Variants in LIN54 observed in about 807,000 individuals in gnomAD.
LIN54 encodes protein lin-54 homolog.
A neutral mutation model predicts 78.7 loss-of-function variants in LIN54; 9 were observed. That is an observed-to-expected ratio of 0.11 (90% CI 0.07 to 0.20). The LOEUF is 0.20. LIN54 is among the 10% of genes least tolerant of loss of function. LIN54 has a pLI of 1.00. For synonymous variants in LIN54, 269 were observed against 318.4 expected (o/e 0.84, Z 1.65); for missense variants, 573 against 889.9 (o/e 0.64, Z 4.53).
At position 82,930,936 on chromosome 4, in the gene LIN54, G is replaced by A; in HGVS notation, c.2048+7C>T. The stretch of plus-strand genomic sequence containing the variant: ...AGTACTATAAAAAGATTAAAATACT[G>A]ACTTACTTTCCGCCTCCACTATTTA... On this transcript the variant is annotated splice_region_variant and intron_variant, in intron 12 of 12. Coordinates refer to ENST00000340417, the MANE Select transcript of LIN54 (RefSeq NM_194282.4). 6.2e-7 allele frequency: 1 copy of A among 1,611,500 alleles called. No homozygotes were observed. Among genetic ancestry groups the A allele is most frequent in the Non-Finnish European group, 8.5e-7 (1 of 1,177,644 alleles).
In LIN54 at chr4:83,002,575, ACCTCCTCCACCTCTTCTG is replaced by A. The variant is rs959445933; in HGVS notation, c.-33+7891_-33+7908del. On this transcript the variant is annotated intron_variant, in intron 1 of 12. Transcript: ENST00000340417. ...GCCCACCTCTCCTGTCTCCTCATCT[ACCTCCTCCACCTCTTCTG>A]CCTCTGCCACTCCAGACAGCAAGAC... Among the ~76,000 whole-genome samples, 94 of 151,984 alleles carry A rather than the reference ACCTCCTCCACCTCTTCTG, an allele frequency of 6.2e-4. 1 individual carries two copies. Among genetic ancestry groups the A allele is most frequent in the Admixed American group, 5.2e-3 (80 of 15,240 alleles).
At chr4:82,949,545 C>T (rs1027086496) in intron 4 of LIN54, among the ~76,000 whole-genome samples, 3 of 150,948 alleles carry the variant, frequency 2.0e-5, no homozygotes, top group African/African-American at 4.9e-5. Context: ...TACAGGCACA[C>T]GCCACCATGC....
chr4:82,994,619 C>T (rs1267985129), intron 1 of LIN54, among the ~76,000 whole-genome samples: 8 of 151,960 alleles, frequency 5.3e-5, no homozygotes, highest in Non-Finnish European at 4.4e-5. Flanking sequence ...AGACTGGTCT[C>T]GAACTCCTGA....
At chr4:82,966,259 A>G (rs1225072398) in intron 4 of LIN54, among the ~76,000 whole-genome samples, 1 of 152,182 alleles carries the variant, frequency 6.6e-6, no homozygotes, top group Non-Finnish European at 1.5e-5. Flanking sequence ...TCCAAAAACT[A>G]AACATCTCTC....
chr4:82,926,000 A>G lies in LIN54; in HGVS notation c.*2102T>C, dbSNP rs886276920. 2.0e-5 allele frequency: 3 copies of G among 152,624 alleles called. No homozygotes were observed. The highest frequency in any genetic ancestry group is 4.4e-5 in the Non-Finnish European group (3 of 68,012). 9.5% of individuals were successfully genotyped at this position (152,624 alleles called of 1,614,324 possible). ...TACTACACAGGAAGGAAAAGGCTTAATATTTTAGATAGATAGATTTTTGAA... is the reference window on the plus strand; with the variant it reads ...TACTACACAGGAAGGAAAAGGCTTAGTATTTTAGATAGATAGATTTTTGAA... On this transcript the variant is annotated 3_prime_UTR_variant, in exon 13 of 13. Coordinates refer to ENST00000340417, the MANE Select transcript of LIN54 (RefSeq NM_194282.4).
At chr4:82,994,978 A>G (rs901758288) in intron 1 of LIN54, among the ~76,000 whole-genome samples, 2 of 152,040 alleles carry the variant, frequency 1.3e-5, no homozygotes, top group Admixed American at 6.6e-5. Flanking sequence ...AACTAGGAGC[A>G]AAGTCCAAAC....
At chr4:82,974,709 C>G (rs1230859350) in intron 3 of LIN54, among the ~76,000 whole-genome samples, 1 of 152,060 alleles carries the variant, frequency 6.6e-6, no homozygotes, top group Non-Finnish European at 1.5e-5. Flanking sequence ...TGCATTCCAA[C>G]CTGGGCGACA....
chr4:82,970,563 T>G, intron 3 of LIN54, 94 bp from the exon 4 acceptor site: 5 of 1,136,856 alleles, frequency 4.4e-6, no homozygotes, highest in Admixed American at 2.4e-5. Flanking sequence ...GACTGCAGAA[T>G]GTATGTTTGT....
intron 4 of LIN54, among the ~76,000 whole-genome samples, chr4:82,952,127 A>G (rs1269091336): frequency 6.6e-6 from 1 of 152,224 alleles, no homozygotes; most frequent in Non-Finnish European, 1.5e-5. Flanking sequence ...AGAGAAATGG[A>G]TATCATAAAA....
intron 1 of LIN54, among the ~76,000 whole-genome samples, chr4:83,007,504 T>C (rs574227813): frequency 6.6e-6 from 1 of 152,292 alleles, no homozygotes; most frequent in East Asian, 1.9e-4. Flanking sequence ...GTGAAGATAG[T>C]TATGAGGTAT....
In LIN54 at chr4:82,982,480, T is replaced by A. The variant is rs1004149878; in HGVS notation, c.684+1681A>T. Reference sequence around the variant, plus strand: ...CCTGGCCTCACAGAATCTGCCCACCTTGGCCTCCCAAAGTGTTGGGCTTAC... The same window carrying A: ...CCTGGCCTCACAGAATCTGCCCACCATGGCCTCCCAAAGTGTTGGGCTTAC... On this transcript the variant is annotated intron_variant, in intron 2 of 12. Coordinates refer to ENST00000340417, the MANE Select transcript of LIN54 (RefSeq NM_194282.4). Among the ~76,000 whole-genome samples the A allele has an allele frequency of 3.3e-5, 5 of 152,338 alleles. No homozygotes were observed. The South Asian group carries it at 6.2e-4, about 19-fold the overall frequency.
intron 1 of LIN54, among the ~76,000 whole-genome samples, chr4:82,997,559 C>G (rs1197592823): frequency 6.6e-6 from 1 of 151,914 alleles, no homozygotes; most frequent in Admixed American, 6.6e-5. Flanking sequence ...AAATAGATGA[C>G]TAACATGATC....
chr4:83,007,895 A>G (rs1458983270), intron 1 of LIN54, among the ~76,000 whole-genome samples: 1 of 152,112 alleles, frequency 6.6e-6, no homozygotes, highest in East Asian at 1.9e-4. Context: ...ATTTAAAAAA[A>G]AAAAAATTCT....
Position 82,947,394 on chromosome 4 carries a change from TTGTGTGTGTGTG to T in LIN54, c.952-932_952-921del, listed in dbSNP as rs57298736. Among the ~76,000 whole-genome samples the T allele has an allele frequency of 9.2e-3, 1,147 of 124,644 alleles. 14 individuals carry two copies. The highest frequency in any genetic ancestry group is 0.028 in the African/African-American group (841 of 30,316). 81.8% of individuals were successfully genotyped at this position (124,644 alleles called of 152,430 possible). On this transcript the variant is annotated intron_variant, in intron 4 of 12. Coordinates refer to ENST00000340417, the MANE Select transcript of LIN54 (RefSeq NM_194282.4). ...ACCACAGGTACCACGCCCAGTTAATTTGTGTGTGTGTGTGTGTGTGTGTGTGTGTGTGTGTGT... is the reference window on the plus strand; with the variant it reads ...ACCACAGGTACCACGCCCAGTTAATTTGTGTGTGTGTGTGTGTGTGTGTGT...
At chr4:83,011,995 GAA>G (rs1729880922), upstream of LIN54, 1 of 983,404 alleles carries the variant, frequency 1.0e-6, no homozygotes, top group Non-Finnish European at 1.2e-6. Context: ...AGTTGAAGTT[GAA>G]AAAGTCATTT....
chr4:82,977,527 T>A (rs1196858060), intron 3 of LIN54, among the ~76,000 whole-genome samples: 1 of 152,180 alleles, frequency 6.6e-6, no homozygotes, highest in Non-Finnish European at 1.5e-5. Flanking sequence ...TTAGCTAAAA[T>A]GAGAAGCCTC....
At chr4:82,941,669 T>C (rs1459922145) in intron 5 of LIN54, among the ~76,000 whole-genome samples, 1 of 151,804 alleles carries the variant, frequency 6.6e-6, no homozygotes, top group Non-Finnish European at 1.5e-5. Context: ...GCAGTGGGAA[T>C]AAAAAAGAGA....
In LIN54 at chr4:82,932,657, T is replaced by A. The variant is rs866492925; in HGVS notation, c.1846-1512A>T. On this transcript the variant is annotated intron_variant, in intron 11 of 12. Coordinates refer to ENST00000340417, the MANE Select transcript of LIN54 (RefSeq NM_194282.4). ...AACATGGAGAAACCCCATCTCTCTTTAAAAAAAAAAAAAAAAAATTAGCCA... is the reference window on the plus strand; with the variant it reads ...AACATGGAGAAACCCCATCTCTCTTAAAAAAAAAAAAAAAAAAATTAGCCA... Among the ~76,000 whole-genome samples the A allele has an allele frequency of 2.6e-3, 348 of 132,700 alleles. 2 individuals carry two copies. Among genetic ancestry groups the A allele is most frequent in the African/African-American group, 9.3e-3 (336 of 36,160 alleles). 87.1% of individuals were successfully genotyped at this position (132,700 alleles called of 152,430 possible).
chr4:82,938,296 A>G, intron 8 of LIN54, 117 bp downstream of exon 8: 1 of 620,990 alleles, frequency 1.6e-6, no homozygotes, highest in Non-Finnish European at 2.9e-6. Context: ...TTTTAGAGGC[A>G]TGCTCACATG....
Sources: gnomAD v4.1 joint callset for allele counts (sites outside exome capture counted in the v4.1 genomes callset) on GRCh38, gnomAD v4.1.1 for gene constraint, MANE v1.5 for transcripts, NCBI Gene and HGNC (gene_info 2026-07-23, HGNC 2026-07-21) for gene names.